PACRG: variants seen among roughly 807,000 people sequenced by gnomAD.
PACRG encodes the protein parkin coregulated gene protein.
In PACRG, 29 loss-of-function variants were observed where a neutral mutation model predicts 29.7. The observed-to-expected ratio is 0.98, with a 90% CI of 0.73 to 1.33. The LOEUF (loss-of-function observed/expected upper bound fraction) is 1.33, where lower values mean the gene tolerates loss of function less well. Among genes scored for constraint, PACRG ranks in the 40% most tolerant of loss-of-function variants. The probability of loss-of-function intolerance (pLI) is 0.00; values close to 1 mark genes in which losing one functional copy is unlikely to be tolerated. For synonymous variants in PACRG, 116 were observed against 118.7 expected, an observed-to-expected ratio of 0.98 and a Z score of 0.15; for missense variants, 279 against 316.2, an observed-to-expected ratio of 0.88 and a Z score of 0.89.
chr6:162,882,056 C>T (rs1389203602), intron 2 of PACRG, among the ~76,000 whole-genome samples: 2 of 131,382 alleles, frequency 1.5e-5, no homozygotes, highest in Non-Finnish European at 3.2e-5. Context: ...ACCAGAGACC[C>T]GGGGGCGCTC....
In PACRG at chr6:163,055,524, T is replaced by C. The variant is rs1436758669; in HGVS notation, c.292-6626T>C. ...TAATAAAAAGGAACCCTGGAAGATA[T>C]GTAAAAGGAATTTACATACAAAAAA... On this transcript the variant is annotated intron_variant, in intron 2 of 4. Coordinates refer to ENST00000366888, the MANE Select transcript of PACRG (RefSeq NM_001080379.2). The surrounding 1 kb of genome is among the most constrained non-coding windows in gnomAD (Gnocchi z 4.0). 6.6e-6 allele frequency among the ~76,000 whole-genome samples: 1 copy of C among 152,186 alleles called. No homozygotes were observed. The highest frequency in any genetic ancestry group is 2.4e-5 in the African/African-American group (1 of 41,440).
rs764506504 is a variant in PACRG, at chr6:163,267,337, G to T, written c.614-47490G>T. Among the ~76,000 whole-genome samples, 2 of 152,268 alleles carry T rather than the reference G, an allele frequency of 1.3e-5. 1 individual carries two copies. The highest frequency in any genetic ancestry group is 2.9e-5 in the Non-Finnish European group (2 of 68,018). On this transcript the variant is annotated intron_variant, in intron 4 of 4. Coordinates refer to ENST00000366888, the MANE Select transcript of PACRG (RefSeq NM_001080379.2). ...TTCATTTACCAAGAAACTATTGAAT[G>T]CCTACTAAGTGCCTATTATTCAGCA...
intron 2 of PACRG, among the ~76,000 whole-genome samples, chr6:163,028,416 G>A (rs1017172455): frequency 2.6e-5 from 4 of 152,122 alleles, no homozygotes; most frequent in Admixed American, 1.3e-4. Flanking sequence ...TGGATGGGTA[G>A]TGTCAAATTC....
chr6:162,869,943 C>G (rs1036798358), intron 2 of PACRG, among the ~76,000 whole-genome samples: 1 of 152,124 alleles, frequency 6.6e-6, no homozygotes, highest in Non-Finnish European at 1.5e-5. Flanking sequence ...CTTGGTTGCT[C>G]TATTAGGAAA....
At chr6:162,798,925 A>G (rs1476897887) in intron 1 of PACRG, among the ~76,000 whole-genome samples, 3 of 152,220 alleles carry the variant, frequency 2.0e-5, no homozygotes, top group East Asian at 3.8e-4. Context: ...CTGCTTACCA[A>G]TTCTATTCAA....
At chr6:162,903,776 T>C (rs1203198919) in intron 2 of PACRG, among the ~76,000 whole-genome samples, 1 of 152,192 alleles carries the variant, frequency 6.6e-6, no homozygotes, top group African/African-American at 2.4e-5. Flanking sequence ...TCTCTTAATT[T>C]GGGAAACTGC....
rs536062767 is a variant in PACRG, at chr6:163,222,494, C to T, written c.614-92333C>T. Among the ~76,000 whole-genome samples, 14 of 152,308 alleles carry T rather than the reference C, an allele frequency of 9.2e-5. No individual in the cohort carries two copies. In the East Asian group the frequency reaches 1.9e-3, roughly 21 times the overall value. On this transcript the variant is annotated intron_variant, in intron 4 of 4. Transcript: ENST00000366888. ...ACTTGGGAGCCTGAGGCAGGAGAAT[C>T]GCTTGAACCTGGAAGGCGGAGGTTG... is the stretch of plus-strand genomic sequence containing the variant.
At chr6:163,183,200 G>A (rs1779756010) in intron 4 of PACRG, 1 of 152,242 alleles carries the variant, frequency 6.6e-6, no homozygotes, top group South Asian at 2.1e-4. Context: ...CTAAGAGAGT[G>A]TCCCTCTGGA....
At chr6:162,888,420 C>G (rs947458316) in intron 2 of PACRG, among the ~76,000 whole-genome samples, 1 of 152,150 alleles carries the variant, frequency 6.6e-6, no homozygotes, top group Non-Finnish European at 1.5e-5. Context: ...GATCGCTGGG[C>G]TGCTGCTGGG....
intron 2 of PACRG, among the ~76,000 whole-genome samples, chr6:162,995,699 T>G (rs1020372967): frequency 2.0e-5 from 3 of 152,254 alleles, no homozygotes; most frequent in African/African-American, 4.8e-5. Flanking sequence ...ATCACCCGTC[T>G]TCTGCGTCGC....
chr6:163,306,323 A>T (rs574049515), intron 4 of PACRG, among the ~76,000 whole-genome samples: 1 of 152,314 alleles, frequency 6.6e-6, no homozygotes, highest in East Asian at 1.9e-4. Context: ...AAGAAAAGAG[A>T]TGAGCTTTTA....
At chr6:162,779,456 C>G (rs1168135204) in intron 1 of PACRG, among the ~76,000 whole-genome samples, 1 of 152,156 alleles carries the variant, frequency 6.6e-6, no homozygotes, top group African/African-American at 2.4e-5. Context: ...ATATGGTACA[C>G]CTGTCATACT....
At chr6:163,149,572 C>G (rs1234868434) in intron 4 of PACRG, among the ~76,000 whole-genome samples, 1 of 152,118 alleles carries the variant, frequency 6.6e-6, no homozygotes, top group East Asian at 1.9e-4. Flanking sequence ...GGCGCTTTCC[C>G]TTCCGACTCC....
chr6:163,258,946 T>C (rs1400735200), intron 4 of PACRG, among the ~76,000 whole-genome samples: 1 of 152,154 alleles, frequency 6.6e-6, no homozygotes, highest in Non-Finnish European at 1.5e-5. Flanking sequence ...ACTAATGCTT[T>C]GGTGTGGTTC....
At chr6:162,753,982 G>C (rs954501193) in intron 1 of PACRG, among the ~76,000 whole-genome samples, 12 of 152,118 alleles carry the variant, frequency 7.9e-5, no homozygotes, top group African/African-American at 2.9e-4. Flanking sequence ...ATTGATTTCA[G>C]TTCCTTATGA....
chr6:162,995,503 T>A (rs1430759375), intron 2 of PACRG, among the ~76,000 whole-genome samples: 5 of 152,186 alleles, frequency 3.3e-5, no homozygotes, highest in Non-Finnish European at 7.3e-5. Context: ...GACCCGATTT[T>A]CCAGGTGCGT....
intron 4 of PACRG, among the ~76,000 whole-genome samples, chr6:163,174,148 T>C (rs1200291821): frequency 1.3e-5 from 2 of 152,248 alleles, no homozygotes; most frequent in East Asian, 1.9e-4. Context: ...ATCTTTTGGC[T>C]TCCCTGGGCC....
chr6:163,102,666 CA>C (rs1439980867), intron 4 of PACRG, among the ~76,000 whole-genome samples: 1 of 152,146 alleles, frequency 6.6e-6, no homozygotes. Flanking sequence ...TAAACCCAAC[CA>C]AAGCGCATTA....
At chr6:163,128,275 A>C (rs1444682383) in intron 4 of PACRG, among the ~76,000 whole-genome samples, 1 of 152,234 alleles carries the variant, frequency 6.6e-6, no homozygotes, top group African/African-American at 2.4e-5. Context: ...ATCCTCCTAA[A>C]GAATCATAAT....
Sources: allele counts gnomAD v4.1 joint callset (sites outside exome capture counted in the v4.1 genomes callset), GRCh38; gene constraint gnomAD v4.1.1; non-coding constraint Gnocchi (gnomAD v3.1); transcripts MANE v1.5; gene names NCBI Gene and HGNC (gene_info 2026-07-23, HGNC 2026-07-21).